ARL13B: variants seen among roughly 807,000 people sequenced by gnomAD.
ARL13B encodes the protein ADP-ribosylation factor-like protein 13B.
In ARL13B, 36 loss-of-function variants were observed where a neutral mutation model predicts 56.1. That is an observed-to-expected ratio of 0.64 (90% CI 0.49 to 0.85). The LOEUF (loss-of-function observed/expected upper bound fraction) is 0.85. Ranked by LOEUF, ARL13B falls within the 40% of genes least tolerant of loss-of-function variation. ARL13B has a pLI of 0.00. For synonymous variants in ARL13B, 178 were observed against 171.1 expected (o/e 1.04, Z -0.32); for missense variants, 519 against 507.1 (o/e 1.02, Z -0.23).
chr3:94,049,747 T>C (rs1427992565), intron 8 of ARL13B, among the ~76,000 whole-genome samples: 1 of 152,048 alleles, frequency 6.6e-6, no homozygotes, highest in Non-Finnish European at 1.5e-5. Flanking sequence ...AAGTAAAAAC[T>C]ATTAAGAAAA....
intron 9 of ARL13B, among the ~76,000 whole-genome samples, chr3:94,052,104 ACATT>A (rs755571075): frequency 6.6e-5 from 10 of 152,120 alleles, no homozygotes; most frequent in Non-Finnish European, 1.5e-4. Context: ...ACGTTAGAAT[ACATT>A]GTCAATATAA....
chr3:94,035,510 A>G (rs1486616570), intron 4 of ARL13B, 74 bp downstream of exon 4: 3 of 1,035,308 alleles, frequency 2.9e-6, no homozygotes, highest in Non-Finnish European at 4.3e-6. Context: ...TGGTTTTTAT[A>G]AAAGTGATAG....
intron 6 of ARL13B, among the ~76,000 whole-genome samples, chr3:94,042,662 T>G (rs537550937): frequency 3.3e-5 from 5 of 152,270 alleles, no homozygotes; most frequent in African/African-American, 1.2e-4. Context: ...TTCTGGGTGA[T>G]GTATGTCTGT....
intron 1 of ARL13B, among the ~76,000 whole-genome samples, chr3:93,987,517 T>G (rs1710526662): frequency 6.6e-6 from 1 of 152,214 alleles, no homozygotes; most frequent in South Asian, 2.1e-4. Context: ...TGATTTTTTT[T>G]TGTTTTTACT....
chr3:94,033,767 C>T (rs1167317839), intron 3 of ARL13B, among the ~76,000 whole-genome samples: 1 of 152,116 alleles, frequency 6.6e-6, no homozygotes, highest in Non-Finnish European at 1.5e-5. Context: ...TTATATGCCT[C>T]CCTAAATACA....
intron 3 of ARL13B, chr3:94,015,098 G>A: frequency 1.9e-6 from 3 of 1,613,762 alleles, no homozygotes; most frequent in Non-Finnish European, 2.5e-6. Flanking sequence ...ATACTTTCCT[G>A]TAGTTTTTGG....
chr3:94,048,761 G>GTT (rs145976941), intron 7 of ARL13B, among the ~76,000 whole-genome samples: 1 of 148,462 alleles, frequency 6.7e-6, no homozygotes, highest in African/African-American at 2.5e-5. Flanking sequence ...CCATGCTGGG[G>GTT]TTTTTTTTTT....
At chr3:93,988,651 T>C (rs1192687562) in intron 1 of ARL13B, 5 of 496,484 alleles carry the variant, frequency 1.0e-5, no homozygotes, top group Non-Finnish European at 2.0e-5. Flanking sequence ...CTTGGCTTCT[T>C]TCTCTCCTGC....
intron 1 of ARL13B, among the ~76,000 whole-genome samples, chr3:93,982,650 G>C (rs1021921548): frequency 6.6e-6 from 1 of 152,154 alleles, no homozygotes; most frequent in African/African-American, 2.4e-5. Context: ...GGATCTTACT[G>C]CTCTGGATCA....
At chr3:94,014,305 G>A in intron 3 of ARL13B, 1 of 1,211,624 alleles carries the variant, frequency 8.3e-7, no homozygotes, top group Non-Finnish European at 1.1e-6. Flanking sequence ...GGATCCATGA[G>A]ATGGAGAAAA....
rs144961534 is a variant in ARL13B at position 94,043,112 on chromosome 3, A to G, written c.896A>G (p.Glu299Gly). The G allele has an allele frequency of 6.2e-7, 1 of 1,613,814 alleles. No individual in the cohort carries two copies. Among genetic ancestry groups the G allele is most frequent in the South Asian group, 1.1e-5 (1 of 91,032 alleles). Reference sequence around the variant, plus strand: ...CATAAAATGGAGCATGAGCAAATAGAGACACAAGGCCAGGTTAATCACAAT... The same window carrying G: ...CATAAAATGGAGCATGAGCAAATAGGGACACAAGGCCAGGTTAATCACAAT... ...LKHKMEHEQIETQGQVNHNGQ... is the reference protein window; with the variant it reads ...LKHKMEHEQIGTQGQVNHNGQ... Residue 299 changes from glutamate to glycine, a missense_variant, in exon 7 of 10, where the codon GAG (glutamate) becomes GGG (glycine). Transcript: ENST00000394222.
intron 3 of ARL13B, among the ~76,000 whole-genome samples, chr3:94,029,784 G>C (rs756825534): frequency 6.6e-6 from 1 of 152,070 alleles, no homozygotes; most frequent in African/African-American, 2.4e-5. Flanking sequence ...GTCCTTCAGC[G>C]TAGAACTGGC....
intron 2 of ARL13B, among the ~76,000 whole-genome samples, chr3:94,001,717 G>A (rs1423578116): frequency 1.3e-5 from 2 of 152,034 alleles, no homozygotes; most frequent in Non-Finnish European, 2.9e-5. Flanking sequence ...CAAAGTCCTG[G>A]TACCAAGGAG....
intron 7 of ARL13B, chr3:94,048,007 C>T (rs1041843529): frequency 6.6e-6 from 1 of 151,472 alleles, no homozygotes; most frequent in Admixed American, 6.6e-5. Context: ...TAGACACACA[C>T]ACACACACAC....
At position 94,035,447 on chromosome 3, in the gene ARL13B, T is replaced by C; in HGVS notation, c.486+11T>C. 6.5e-7 allele frequency: 1 copy of C among 1,545,316 alleles called. No homozygotes were observed. Among genetic ancestry groups the C allele is most frequent in the South Asian group, 1.2e-5 (1 of 82,116 alleles). ...TGCCTGTGTCAGATAGTAAGGTTTT[T>C]TTTTTTTTTTTAATTTTAATTTTTT... On this transcript the variant is annotated intron_variant, in intron 4 of 9. Coordinates refer to ENST00000394222, the MANE Select transcript of ARL13B (RefSeq NM_001174150.2).
chr3:94,016,838 G>C (rs1316409254), intron 3 of ARL13B, among the ~76,000 whole-genome samples: 1 of 151,952 alleles, frequency 6.6e-6, no homozygotes, highest in Non-Finnish European at 1.5e-5. Flanking sequence ...GTAGAGACAG[G>C]GTTTCACCAT....
intron 1 of ARL13B, among the ~76,000 whole-genome samples, chr3:93,987,821 TA>T (rs202108636): frequency 0.012 from 1,837 of 151,014 alleles, 31 homozygotes; most frequent in African/African-American, 0.04. Flanking sequence ...TTTTTTTTTT[TA>T]ATTTGTAGAG....
intron 3 of ARL13B, among the ~76,000 whole-genome samples, chr3:94,031,880 G>C (rs2076682748): frequency 6.6e-6 from 1 of 152,148 alleles, no homozygotes; most frequent in Non-Finnish European, 1.5e-5. Context: ...GCCATATGCA[G>C]AAGAATGAAA....
chr3:94,010,655 T>C (rs1186514079), intron 3 of ARL13B, among the ~76,000 whole-genome samples: 2 of 152,064 alleles, frequency 1.3e-5, no homozygotes, highest in South Asian at 2.1e-4. Flanking sequence ...TATCATGTTA[T>C]CTGTTTTGTT....
Sources: gnomAD v4.1 joint callset for allele counts (sites outside exome capture counted in the v4.1 genomes callset) on GRCh38, gnomAD v4.1.1 for gene constraint, MANE v1.5 for transcripts, NCBI Gene and HGNC (gene_info 2026-07-23, HGNC 2026-07-21) for gene names.